Variants in TDRKH observed in about 807,000 individuals in gnomAD.
TDRKH encodes the protein tudor and KH domain containing.
In TDRKH, 28 loss-of-function variants were observed where a neutral mutation model predicts 61.3. That is an observed-to-expected ratio of 0.46 (90% CI 0.34 to 0.63). TDRKH has a LOEUF of 0.63. TDRKH is among the 20% of genes least tolerant of loss of function. The probability of loss-of-function intolerance (pLI) is 0.01; values close to 1 mark genes in which losing one functional copy is unlikely to be tolerated. For missense variants in TDRKH, 540 were observed against 683.4 expected (o/e 0.79, Z 2.34); for synonymous variants, 219 against 244.4 (o/e 0.90, Z 0.97).
At chr1:151,775,570 C>CAAAAGAT in intron 9 of TDRKH, 27 bp from the exon 10 acceptor site, 1 of 1,606,542 alleles carries the variant, frequency 6.2e-7, no homozygotes, top group South Asian at 1.1e-5. Context: ...GGGGTTACTG[C>CAAAAGAT]TGATAGGGGT....
At chr1:151,786,561 G>A (rs1646673939) in intron 1 of TDRKH, among the ~76,000 whole-genome samples, 1 of 152,102 alleles carries the variant, frequency 6.6e-6, no homozygotes, top group Non-Finnish European at 1.5e-5. Context: ...CACGGAGAAG[G>A]GTAGACTACT....
intron 1 of TDRKH, among the ~76,000 whole-genome samples, chr1:151,789,989 C>T (rs1650751617): frequency 6.6e-6 from 1 of 152,274 alleles, no homozygotes; most frequent in Non-Finnish European, 1.5e-5. Context: ...ATTATTCTGA[C>T]GACTGTAAAC....
At chr1:151,768,248 A>G, downstream of TDRKH, 2 of 1,601,438 alleles carry the variant, frequency 1.2e-6, no homozygotes, top group Non-Finnish European at 1.7e-6. Flanking sequence ...CTGAGCCTGG[A>G]TGGGAGAATG....
intron 6 of TDRKH, among the ~76,000 whole-genome samples, chr1:151,777,737 T>TTTTTG (rs397780149): frequency 6.7e-6 from 1 of 150,038 alleles, no homozygotes; most frequent in Non-Finnish European, 1.5e-5. Flanking sequence ...TTTTTTTTTT[T>TTTTTG]GAGACAGGAT....
chr1:151,786,866 T>C (rs1386914706), intron 1 of TDRKH, among the ~76,000 whole-genome samples: 2 of 152,172 alleles, frequency 1.3e-5, no homozygotes, highest in Non-Finnish European at 2.9e-5. Flanking sequence ...AGACTATCAA[T>C]CTGAGGGAAT....
Position 151,775,546 on chromosome 1 carries a change from G to C in TDRKH, c.1283-3C>G. 2 of 1,612,060 alleles carry C rather than the reference G, an allele frequency of 1.2e-6. No homozygotes were observed. Among genetic ancestry groups the C allele is most frequent in the Non-Finnish European group, 1.7e-6 (2 of 1,179,158 alleles). Reference sequence around the variant, plus strand: ...AGCTTCCTCTTCCCACTGGTCACCTGGCAAAAGATTGTAGGGGTTACTGCT... The same window carrying C: ...AGCTTCCTCTTCCCACTGGTCACCTCGCAAAAGATTGTAGGGGTTACTGCT... On this transcript the variant is annotated splice_region_variant and splice_polypyrimidine_tract_variant and intron_variant, in intron 9 of 12. Coordinates refer to ENST00000368824, the MANE Select transcript of TDRKH (RefSeq NM_001083965.2).
At position 151,782,986 on chromosome 1, in the gene TDRKH, T is replaced by G. The variant is rs1649983535; in HGVS notation, c.37A>C (p.Thr13Pro). The change falls in exon 2 of 13, where the codon ACC becomes CCC. Residue 13 changes from threonine (T) to proline (P), a missense_variant. By Grantham distance (38) the Thr-to-Pro change is conservative. This residue lies in a region of TDRKH where 156 missense variants were observed against 218.0 expected (regional missense o/e 0.72). Transcript: ENST00000368824. The stretch of plus-strand genomic sequence containing the variant: ...AGGCCCAGGGCTATTTTCTGAATGG[T>G]GGACAGGCTTGTCCAAGAAGTCCGT... ...TERTSWTSLSTIQKIALGLGI... is the reference protein window; with the variant it reads ...TERTSWTSLSPIQKIALGLGI... 1 of 1,613,790 alleles carries G rather than the reference T, an allele frequency of 6.2e-7. No homozygotes were observed. The highest frequency in any genetic ancestry group is 1.7e-5 in the Admixed American group (1 of 59,982).
intron 11 of TDRKH, 123 bp downstream of exon 11, chr1:151,774,942 G>A (rs1649007659): frequency 7.4e-7 from 1 of 1,349,710 alleles, no homozygotes; most frequent in South Asian, 1.3e-5. Flanking sequence ...TGCTCCTTTG[G>A]TCAACTACTG....
chr1:151,771,368 G>C, downstream of TDRKH: 1 of 1,453,238 alleles, frequency 6.9e-7, no homozygotes, highest in Admixed American at 2.8e-5. Context: ...TGGGTAATAG[G>C]GTTGACTGGA....
downstream of TDRKH, among the ~76,000 whole-genome samples, chr1:151,768,519 T>C (rs1648453293): frequency 6.6e-6 from 1 of 152,212 alleles, no homozygotes; most frequent in South Asian, 2.1e-4. Context: ...CATCCAGTGA[T>C]GTGCAATCTC....
At chr1:151,786,051 G>GA (rs1347594636) in intron 1 of TDRKH, among the ~76,000 whole-genome samples, 1 of 152,170 alleles carries the variant, frequency 6.6e-6, no homozygotes, top group African/African-American at 2.4e-5. Context: ...ACCCTGGGGG[G>GA]AAAAACTGGC....
chr1:151,780,192 G>T (rs773240658), intron 3 of TDRKH, 52 bp from the exon 4 acceptor site: 6 of 1,581,232 alleles, frequency 3.8e-6, no homozygotes, highest in Non-Finnish European at 5.2e-6. Context: ...TCCCATTTGA[G>T]CCCAGCTACA....
At position 151,787,673 on chromosome 1, in the gene TDRKH, C is replaced by G. The variant is rs1333280109; in HGVS notation, c.-28+2707G>C. Among the ~76,000 whole-genome samples, 3 of 151,768 alleles carry G rather than the reference C, an allele frequency of 2.0e-5. No homozygotes were observed. The South Asian group carries it at 6.3e-4, about 32-fold the overall frequency. ...TTGGAAATATTCATAGTCTAGGAAA[C>G]ATAAACACCAAAACAGGCTGGGCAC... On this transcript the variant is annotated intron_variant, in intron 1 of 12. Transcript: ENST00000368824.
Position 151,785,496 on chromosome 1 carries a change from T to C in TDRKH, c.-27-2447A>G, listed in dbSNP as rs192403749. ...AAGTACTATGTGCTAGATGCTACTGTGGCACTAAAGACACAAAAATGAAGA... is the reference window on the plus strand; with the variant it reads ...AAGTACTATGTGCTAGATGCTACTGCGGCACTAAAGACACAAAAATGAAGA... On this transcript the variant is annotated intron_variant, in intron 1 of 12. Transcript: ENST00000368824. Among the ~76,000 whole-genome samples the C allele has an allele frequency of 4.6e-5, 7 of 152,340 alleles. No homozygotes were observed. In the East Asian group the frequency reaches 1.3e-3, roughly 29 times the overall value.
At chr1:151,777,852 G>A (rs988948792) in intron 6 of TDRKH, among the ~76,000 whole-genome samples, 1 of 151,048 alleles carries the variant, frequency 6.6e-6, no homozygotes, top group Non-Finnish European at 1.5e-5. Context: ...CAAGTAGTTG[G>A]AACCACAGGT....
chr1:151,772,471 T>C (rs753129057), downstream of TDRKH, among the ~76,000 whole-genome samples: 1 of 152,140 alleles, frequency 6.6e-6, no homozygotes, highest in Non-Finnish European at 1.5e-5. Context: ...AGTATAGAGG[T>C]AGACGTTACT....
In TDRKH at chr1:151,776,598, G is replaced by A; in HGVS notation, c.885C>T (p.Ile295=). The part of the protein sequence containing the change: ...QAIPEMPMFE[I]PSPDFSFHAD... ...CATGAAAACTGAAGTCAGGACTGGG[G>A]ACTGAACACAGAGATAAGGATGGTG... The change falls in exon 7 of 13, where the codon ATC becomes ATT. Residue 295 remains isoleucine, a splice_region_variant and synonymous_variant. Coordinates refer to ENST00000368824, the MANE Select transcript of TDRKH (RefSeq NM_001083965.2). The A allele has an allele frequency of 3.7e-6, 6 of 1,613,992 alleles. No homozygotes were observed. The highest frequency in any genetic ancestry group is 5.1e-6 in the Non-Finnish European group (6 of 1,179,960).
intron 1 of TDRKH, chr1:151,783,717 C>A (rs1250673294): frequency 2.0e-5 from 3 of 152,278 alleles, no homozygotes; most frequent in Admixed American, 6.5e-5. Flanking sequence ...CCTCTTATTT[C>A]CCTGGAGGGT....
chr1:151,782,782 C>CA (rs985925298), intron 2 of TDRKH, 117 bp downstream of exon 2: 9 of 1,385,942 alleles, frequency 6.5e-6, no homozygotes, highest in African/African-American at 1.5e-5. Context: ...AAAAACCCCA[C>CA]AAAAAACCCC....
Sources: allele counts gnomAD v4.1 joint callset (sites outside exome capture counted in the v4.1 genomes callset), GRCh38; gene constraint gnomAD v4.1.1; regional missense constraint gnomAD v4.1.1; transcripts MANE v1.5; gene names NCBI Gene and HGNC (gene_info 2026-07-23, HGNC 2026-07-21).